Variants in HNF4A observed in about 807,000 individuals in gnomAD.
HNF4A encodes hepatocyte nuclear factor 4 alpha.
A neutral mutation model predicts 52.4 loss-of-function variants in HNF4A; 15 were observed. The ratio of observed to expected loss-of-function variants is 0.29; its 90% confidence interval spans 0.19 to 0.44. The LOEUF (loss-of-function observed/expected upper bound fraction) is 0.44, where lower values mean the gene tolerates loss of function less well. Among genes scored for constraint, HNF4A ranks in the 20% least tolerant of loss-of-function variants. The pLI, the probability that HNF4A is intolerant of heterozygous loss-of-function variation, is 1.00. For missense variants in HNF4A, 479 were observed against 647.2 expected, an observed-to-expected ratio of 0.74 and a Z score of 2.82; for synonymous variants, 280 against 264.4, an observed-to-expected ratio of 1.06 and a Z score of -0.57.
intron 1 of HNF4A, among the ~76,000 whole-genome samples, chr20:44,363,841 T>A (rs1275831804): frequency 1.3e-5 from 2 of 151,788 alleles, no homozygotes; most frequent in Non-Finnish European, 2.9e-5. Flanking sequence ...GGATTGCACG[T>A]GTGTGCCACC....
rs965250768 is a variant in HNF4A at position 44,429,707 on chromosome 20, C to T, written c.*42C>T. 26 of 1,602,084 alleles carry T rather than the reference C, an allele frequency of 1.6e-5. No individual in the cohort carries two copies. Among genetic ancestry groups the T allele is most frequent in the Non-Finnish European group, 2.1e-5 (25 of 1,169,844 alleles). ...GGGGGCTCCACTGGCTCCCCCCAGC[C>T]CCCTAAGAGAGCACCTGGTGATCAC... On this transcript the variant is annotated 3_prime_UTR_variant, in exon 10 of 10. Transcript: ENST00000316099.
At chr20:44,394,718 G>A (rs1568711430) in intron 1 of HNF4A, among the ~76,000 whole-genome samples, 1 of 152,236 alleles carries the variant, frequency 6.6e-6, no homozygotes, top group African/African-American at 2.4e-5. Context: ...AGCAGCCGAG[G>A]TGGCCGTGGG....
At chr20:44,368,134 G>GTATACATATATA (rs1426264904) in intron 1 of HNF4A, among the ~76,000 whole-genome samples, 1 of 56,388 alleles carries the variant, frequency 1.8e-5, no homozygotes, top group African/African-American at 8.1e-5. Flanking sequence ...GTGTGTGTGT[G>GTATACATATATA]TATATACATA....
In HNF4A at chr20:44,428,336, G is replaced by T; in HGVS notation, c.1131G>T (p.Gly377=). The T allele has an allele frequency of 6.2e-7, 1 of 1,613,978 alleles. No homozygotes were observed. Residue 377 remains glycine, a splice_region_variant and synonymous_variant, in exon 9 of 10, where the codon GGG becomes GGT. Transcript: ENST00000316099. The stretch of plus-strand genomic sequence containing the variant: ...CTGATCGACCTTCTCTACCTGCAGG[G>T]TCCCCCAGCGATGCACCCCATGCCC...
intron 1 of HNF4A, among the ~76,000 whole-genome samples, chr20:44,365,409 A>T (rs1439826891): frequency 6.6e-6 from 1 of 152,062 alleles, no homozygotes; most frequent in Non-Finnish European, 1.5e-5. Context: ...CCTGTCCTCA[A>T]TCTTCCTGCA....
rs896100307 is a variant in HNF4A, at chr20:44,414,717, G to A, written c.648+55G>A. 18 of 1,540,522 alleles carry A rather than the reference G, an allele frequency of 1.2e-5. No homozygotes were observed. The East Asian group carries it at 2.8e-4, about 24-fold the overall frequency. The stretch of plus-strand genomic sequence containing the variant: ...GTGGGCAGTGGGCGGGGCAGCCAGG[G>A]GGCTGCTGGCCCACCTGGGATATAG... On this transcript the variant is annotated intron_variant, in intron 5 of 9. Coordinates refer to ENST00000316099, the MANE Select transcript of HNF4A (RefSeq NM_000457.6).
At chr20:44,384,633 CCAGGTGTGACA>C (rs1485948754) in intron 1 of HNF4A, 3 of 152,136 alleles carry the variant, frequency 2.0e-5, no homozygotes, top group Non-Finnish European at 4.4e-5. Flanking sequence ...AAGCTTCTGC[CCAGGTGTGACA>C]CAGGTTGTTT....
rs372639360 is a variant in HNF4A, at chr20:44,419,773, G to A, written c.789G>A (p.Arg263=). Residue 263 remains arginine (R), a synonymous_variant, in exon 7 of 10, where the codon CGG becomes CGA. Transcript: ENST00000316099. ...GCCCGGAGCTGGCGGAGATGAGCCG[G>A]GTGTCCATACGCATCCTTGACGAGC... 4 of 1,614,186 alleles carry A rather than the reference G, an allele frequency of 2.5e-6. No individual in the cohort carries two copies. The highest frequency in any genetic ancestry group is 2.5e-6 in the Non-Finnish European group (3 of 1,180,022).
chr20:44,362,703 C>T (rs1173094040), intron 1 of HNF4A, among the ~76,000 whole-genome samples: 1 of 152,092 alleles, frequency 6.6e-6, no homozygotes, highest in African/African-American at 2.4e-5. Flanking sequence ...TTCCCTGCAT[C>T]GCCTTGCAAA....
intron 1 of HNF4A, chr20:44,390,511 C>T (rs746121422): frequency 4.7e-6 from 3 of 636,220 alleles, no homozygotes; most frequent in Non-Finnish European, 8.5e-6. Context: ...CTCATTGTGA[C>T]CAGTATTAAG....
At chr20:44,368,627 T>G (rs1486846498) in intron 1 of HNF4A, among the ~76,000 whole-genome samples, 1 of 152,034 alleles carries the variant, frequency 6.6e-6, no homozygotes, top group African/African-American at 2.4e-5. Context: ...GAGGCAAGAG[T>G]GTCCTGCAAA....
At chr20:44,355,988 C>CG (rs2062853388) in intron 1 of HNF4A, 135 bp downstream of exon 1, 1 of 752,030 alleles carries the variant, frequency 1.3e-6, no homozygotes, top group Non-Finnish European at 2.2e-6. Context: ...GGAAGCCCCA[C>CG]GGAGGCAATG....
rs1031172085 is a variant in HNF4A, at chr20:44,422,698, T to G, written c.893-1320T>G. ...ATATATAAATATATATTTTTTAAAA[T>G]ATATATATATATAGTCTGTCACCCA... On this transcript the variant is annotated intron_variant, in intron 7 of 9. Coordinates refer to ENST00000316099, the MANE Select transcript of HNF4A (RefSeq NM_000457.6). Among the ~76,000 whole-genome samples, 7 of 147,582 alleles carry G rather than the reference T, an allele frequency of 4.7e-5. No homozygotes were observed. The East Asian group carries it at 1.4e-3, about 29-fold the overall frequency.
At chr20:44,404,474 G>A (rs1354089740) in intron 1 of HNF4A, among the ~76,000 whole-genome samples, 2 of 151,552 alleles carry the variant, frequency 1.3e-5, no homozygotes, top group Admixed American at 6.6e-5. Context: ...GAATACACGT[G>A]TGTGTGTGTG....
intron 1 of HNF4A, among the ~76,000 whole-genome samples, chr20:44,404,760 C>T (rs2063462210): frequency 2.0e-4 from 1 of 5,058 alleles, no homozygotes; most frequent in Non-Finnish European, 5.0e-4. Flanking sequence ...TATGTGTACA[C>T]ATGTGTGTAT....
chr20:44,362,062 A>G (rs1199716834), intron 1 of HNF4A, among the ~76,000 whole-genome samples: 1 of 152,110 alleles, frequency 6.6e-6, no homozygotes, highest in African/African-American at 2.4e-5. Context: ...CCTTTACTGA[A>G]AGTATCTTGA....
intron 1 of HNF4A, among the ~76,000 whole-genome samples, chr20:44,374,100 G>A (rs965925375): frequency 2.6e-5 from 4 of 152,180 alleles, no homozygotes; most frequent in African/African-American, 9.6e-5. Context: ...CCCAAGTAGT[G>A]AGCATAGTAC....
At chr20:44,384,482 C>G (rs1429644404) in intron 1 of HNF4A, 1 of 152,068 alleles carries the variant, frequency 6.6e-6, no homozygotes, top group South Asian at 2.1e-4. Context: ...CAAAAAAACC[C>G]CTAAGTCTCA....
intron 1 of HNF4A, among the ~76,000 whole-genome samples, chr20:44,394,236 G>C (rs2063332219): frequency 6.6e-6 from 1 of 152,094 alleles, no homozygotes; most frequent in African/African-American, 2.4e-5. Context: ...CATTGCCCGG[G>C]TCCACAGAGA....
Sources: allele counts gnomAD v4.1 joint callset (sites outside exome capture counted in the v4.1 genomes callset), GRCh38; gene constraint gnomAD v4.1.1; transcripts MANE v1.5; gene names NCBI Gene and HGNC (gene_info 2026-07-23, HGNC 2026-07-21).